The following DMD variants were observed in gnomAD, a reference collection of about 807,000 sequenced individuals.
The protein encoded by DMD is dystrophin.
In DMD, 63 loss-of-function variants were observed where a neutral mutation model predicts 330.1. That is an observed-to-expected ratio of 0.19 (90% CI 0.16 to 0.24). The LOEUF (loss-of-function observed/expected upper bound fraction) is 0.24. Ranked by LOEUF, DMD falls within the 10% of genes least tolerant of loss-of-function variation. DMD has a pLI of 1.00. For missense variants in DMD, 3,344 were observed against 2,684.1 expected, an observed-to-expected ratio of 1.25 and a Z score of -5.43; for synonymous variants, 1,223 against 959.8, an observed-to-expected ratio of 1.27 and a Z score of -5.07.
At chrX:32,223,869 T>A (rs1324014922) in intron 43 of DMD, among the ~76,000 whole-genome samples, 1 of 111,628 alleles carries the variant, frequency 9.0e-6, no homozygotes, top group East Asian at 2.8e-4. Context: ...TTGGATTTCT[T>A]ATTTTGTAAA....
intron 44 of DMD, among the ~76,000 whole-genome samples, chrX:32,096,531 T>C (rs1161567653): frequency 9.0e-6 from 1 of 110,524 alleles, no homozygotes; most frequent in East Asian, 2.8e-4. Flanking sequence ...AATAAATAAT[T>C]TTTTTAAAGT....
rs148829938 is a variant in DMD, at chrX:32,610,619, T to G, written c.1482+3684A>C. Among the ~76,000 whole-genome samples the G allele has an allele frequency of 4.4e-3, 490 of 111,605 alleles. 2 individuals carry two copies. Among genetic ancestry groups the G allele is most frequent in the African/African-American group, 0.015 (463 of 30,871 alleles). On this transcript the variant is annotated intron_variant, in intron 12 of 78. Transcript: ENST00000357033. Reference sequence around the variant, plus strand: ...GAGAGAGAGCAGGCGACCTCTGATCTGAGCAGAATTTAAATCAATTCCCAG... The same window carrying G: ...GAGAGAGAGCAGGCGACCTCTGATCGGAGCAGAATTTAAATCAATTCCCAG...
At chrX:32,747,741 A>T (rs1199902413) in intron 7 of DMD, among the ~76,000 whole-genome samples, 1 of 110,662 alleles carries the variant, frequency 9.0e-6, no homozygotes. Context: ...GGCCTCCCAA[A>T]GTGCTGGGAC....
intron 2 of DMD, among the ~76,000 whole-genome samples, chrX:32,891,455 T>A (rs2085193106): frequency 8.9e-6 from 1 of 112,502 alleles, no homozygotes; most frequent in Non-Finnish European, 1.9e-5. Flanking sequence ...TGATCTAAAT[T>A]AAATTTTCTA....
chrX:32,981,236 C>T (rs1272018352), intron 2 of DMD, among the ~76,000 whole-genome samples: 1 of 111,857 alleles, frequency 8.9e-6, no homozygotes, highest in Non-Finnish European at 1.9e-5. Flanking sequence ...AAACTTCTTG[C>T]TAATTATCAT....
chrX:31,285,329 A>G (rs767948087), intron 62 of DMD, among the ~76,000 whole-genome samples: 2 of 112,500 alleles, frequency 1.8e-5, no homozygotes, highest in Non-Finnish European at 3.8e-5. Flanking sequence ...TTAGGCTGTT[A>G]GGACCATTCC....
intron 59 of DMD, among the ~76,000 whole-genome samples, chrX:31,450,224 G>A (rs2065622227): frequency 8.9e-6 from 1 of 111,841 alleles, no homozygotes; most frequent in Non-Finnish European, 1.9e-5. Flanking sequence ...AAATACTGGT[G>A]TTTAGTACTT....
At chrX:33,026,939 A>G (rs1048215699) in intron 1 of DMD, among the ~76,000 whole-genome samples, 7 of 111,940 alleles carry the variant, frequency 6.3e-5, no homozygotes, top group African/African-American at 2.0e-4. Context: ...GTAGTGCTCA[A>G]TAAAGGTGTT....
chrX:32,797,848 T>C (rs911284226), intron 7 of DMD, among the ~76,000 whole-genome samples: 30 of 111,818 alleles, frequency 2.7e-4, no homozygotes, highest in African/African-American at 9.4e-4. Flanking sequence ...GGTAAGCTAA[T>C]TGAAAAGAGA....
chrX:31,506,386 C>G (rs1004539547), intron 56 of DMD, among the ~76,000 whole-genome samples: 1 of 111,812 alleles, frequency 8.9e-6, no homozygotes, highest in East Asian at 2.8e-4. Flanking sequence ...TTCTACCTCC[C>G]TTCATTATCA....
intron 7 of DMD, among the ~76,000 whole-genome samples, chrX:32,730,317 G>C (rs766258524): frequency 2.7e-5 from 3 of 112,366 alleles, no homozygotes; most frequent in Non-Finnish European, 5.6e-5. Flanking sequence ...GTGCACTCCA[G>C]CCTGGGCAAA....
intron 1 of DMD, among the ~76,000 whole-genome samples, chrX:33,310,476 G>T (rs2053832635): frequency 9.0e-6 from 1 of 111,233 alleles, no homozygotes; most frequent in Admixed American, 9.6e-5. Flanking sequence ...TGTTCTGAAA[G>T]AACACAAAAG....
chrX:32,739,743 A>G (rs1363915167), intron 7 of DMD, among the ~76,000 whole-genome samples: 2 of 110,969 alleles, frequency 1.8e-5, no homozygotes, highest in African/African-American at 6.6e-5. Context: ...AAGAGCTTTT[A>G]TACTTTAGGG....
intron 55 of DMD, among the ~76,000 whole-genome samples, chrX:31,559,275 A>C (rs2147831117): frequency 9.0e-6 from 1 of 110,934 alleles, no homozygotes; most frequent in South Asian, 3.9e-4. Context: ...CTATTGCCTC[A>C]TTTCTCAAAT....
chrX:33,091,083 A>G (rs1292190832), intron 1 of DMD, among the ~76,000 whole-genome samples: 4 of 111,206 alleles, frequency 3.6e-5, no homozygotes, highest in South Asian at 3.8e-4. Context: ...CTCTCAGTCC[A>G]GGACTGAGAA....
At chrX:32,061,431 T>G (rs960837212) in intron 44 of DMD, among the ~76,000 whole-genome samples, 3 of 111,441 alleles carry the variant, frequency 2.7e-5, no homozygotes, top group African/African-American at 9.8e-5. Context: ...CATTCATCGT[T>G]CTGAAAACAG....
chrX:32,571,072 C>G (rs189015531), intron 15 of DMD, among the ~76,000 whole-genome samples: 1 of 111,606 alleles, frequency 9.0e-6, no homozygotes, highest in East Asian at 2.8e-4. Flanking sequence ...TTCCTTGAAT[C>G]TGGGCAGGCT....
chrX:32,372,371 T>A (rs1271638582), intron 34 of DMD, among the ~76,000 whole-genome samples: 2 of 111,406 alleles, frequency 1.8e-5, no homozygotes, highest in Non-Finnish European at 3.8e-5. Flanking sequence ...TACATAACAG[T>A]CCAAGAGAGT....
chrX:31,650,304 C>T (rs1486546883), intron 54 of DMD, among the ~76,000 whole-genome samples: 1 of 105,606 alleles, frequency 9.5e-6, no homozygotes, highest in East Asian at 3.0e-4. Context: ...TATGAGCAGG[C>T]CCCAATGTAA....
Sources: gnomAD v4.1 joint callset for allele counts (sites outside exome capture counted in the v4.1 genomes callset) on GRCh38, gnomAD v4.1.1 for gene constraint, MANE v1.5 for transcripts, NCBI Gene and HGNC (gene_info 2026-07-23, HGNC 2026-07-21) for gene names.